The following PCDH15 variants were observed in gnomAD, a reference collection of about 807,000 sequenced individuals.
The protein encoded by PCDH15 is protocadherin-15.
A neutral mutation model predicts 178.5 loss-of-function variants in PCDH15; 129 were observed. The ratio of observed to expected loss-of-function variants is 0.72; its 90% confidence interval spans 0.63 to 0.84. The LOEUF is 0.84. Ranked by LOEUF, PCDH15 falls within the 40% of genes least tolerant of loss-of-function variation. PCDH15 has a pLI of 0.00. For synonymous variants in PCDH15, 800 were observed against 732.0 expected (o/e 1.09, Z -1.50); for missense variants, 2,230 against 2,099.9 (o/e 1.06, Z -1.21).
At chr10:54,724,079 A>T (rs1198656229) in intron 1 of PCDH15, among the ~76,000 whole-genome samples, 2 of 151,806 alleles carry the variant, frequency 1.3e-5, no homozygotes, top group South Asian at 2.1e-4. Context: ...GGAAAAAGGC[A>T]TCTGCATTTG....
At chr10:54,541,967 C>T (rs2085284890) in intron 2 of PCDH15, among the ~76,000 whole-genome samples, 1 of 152,040 alleles carries the variant, frequency 6.6e-6, no homozygotes, top group African/African-American at 2.4e-5. Context: ...TGCCACAAGA[C>T]AGTTATGTGT....
At chr10:55,582,628 A>ATATTTTT (rs780312007) in intron 2 of PCDH15, among the ~76,000 whole-genome samples, 10 of 69,038 alleles carry the variant, frequency 1.4e-4, no homozygotes, top group African/African-American at 6.0e-4. Flanking sequence ...ATATATATAT[A>ATATTTTT]TTTTTTTTTT....
chr10:55,615,628 T>C (rs1386123403), intron 2 of PCDH15, among the ~76,000 whole-genome samples: 1 of 152,108 alleles, frequency 6.6e-6, no homozygotes, highest in Non-Finnish European at 1.5e-5. Flanking sequence ...AGCCCTCTGA[T>C]AGGCTGAGGC....
intron 2 of PCDH15, among the ~76,000 whole-genome samples, chr10:55,481,648 G>A (rs1439536570): frequency 6.6e-6 from 1 of 151,828 alleles, no homozygotes; most frequent in Non-Finnish European, 1.5e-5. Context: ...ATAGTTTTGA[G>A]TAAATTTCTT....
chr10:54,228,694 G>A (rs2053730830), intron 9 of PCDH15, among the ~76,000 whole-genome samples: 1 of 152,184 alleles, frequency 6.6e-6, no homozygotes, highest in Non-Finnish European at 1.5e-5. Flanking sequence ...TCCAGTTCAA[G>A]AAGAGAGAAC....
At chr10:55,583,062 A>G (rs1842655642) in intron 2 of PCDH15, among the ~76,000 whole-genome samples, 1 of 152,120 alleles carries the variant, frequency 6.6e-6, no homozygotes, top group Non-Finnish European at 1.5e-5. Flanking sequence ...ATTTATTTAC[A>G]TTTTTCCTAC....
At chr10:55,468,890 C>T (rs1361043420) in intron 2 of PCDH15, among the ~76,000 whole-genome samples, 1 of 152,074 alleles carries the variant, frequency 6.6e-6, no homozygotes, top group Non-Finnish European at 1.5e-5. Flanking sequence ...ACACTGTCAC[C>T]TAATTAATTC....
At chr10:54,688,109 A>G (rs1483086689) in intron 1 of PCDH15, among the ~76,000 whole-genome samples, 1 of 152,184 alleles carries the variant, frequency 6.6e-6, no homozygotes, top group African/African-American at 2.4e-5. Flanking sequence ...TTATAAATTT[A>G]TTACAGAGCT....
chr10:53,917,486 A>G (rs539786454), intron 25 of PCDH15, among the ~76,000 whole-genome samples: 14 of 152,322 alleles, frequency 9.2e-5, no homozygotes, highest in South Asian at 4.1e-4. Flanking sequence ...AAAACAATCA[A>G]AGATGCAAAA....
chr10:54,032,445 T>G (rs2093320232), intron 18 of PCDH15, among the ~76,000 whole-genome samples: 2 of 152,156 alleles, frequency 1.3e-5, no homozygotes, highest in South Asian at 4.1e-4. Context: ...TGCAATGACA[T>G]AGGTTAGATA....
intron 2 of PCDH15, among the ~76,000 whole-genome samples, chr10:54,560,355 T>C (rs1379649262): frequency 6.6e-6 from 1 of 152,136 alleles, no homozygotes; most frequent in Non-Finnish European, 1.5e-5. Flanking sequence ...CTTTGGATGA[T>C]ACTTTGTAAG....
rs146831797 is a variant in PCDH15, at chr10:54,419,243, T to TACACACACACACACAC, written c.158-40317_158-40302dup. Among the ~76,000 whole-genome samples, 1,009 of 150,642 alleles carry TACACACACACACACAC rather than the reference T, an allele frequency of 6.7e-3. 14 individuals are homozygous for TACACACACACACACAC. The highest frequency in any genetic ancestry group is 0.023 in the African/African-American group (949 of 41,062). Reference sequence around the variant, plus strand: ...CCACATATACATATACATATATACATACACACACACACACACATTCACACC... The same window carrying TACACACACACACACAC: ...CCACATATACATATACATATATACATACACACACACACACACACACACACACACACACATTCACACC... On this transcript the variant is annotated intron_variant, in intron 3 of 37. Transcript: ENST00000644397.
intron 4 of PCDH15, among the ~76,000 whole-genome samples, 175 bp from the exon 5 acceptor site, chr10:54,369,450 T>A (rs542270962): frequency 6.6e-6 from 1 of 152,026 alleles, no homozygotes; most frequent in Non-Finnish European, 1.5e-5. Context: ...AATTAATTTA[T>A]TGTTTAATTT....
chr10:54,854,631 GCT>G (rs1168025237), intron 3 of PCDH15, among the ~76,000 whole-genome samples: 1 of 152,114 alleles, frequency 6.6e-6, no homozygotes, highest in Non-Finnish European at 1.5e-5. Flanking sequence ...GACATCTGCT[GCT>G]CTCTGCAGAG....
chr10:54,313,535 C>T (rs1277957531), intron 8 of PCDH15, among the ~76,000 whole-genome samples: 1 of 152,042 alleles, frequency 6.6e-6, no homozygotes, highest in Non-Finnish European at 1.5e-5. Flanking sequence ...TTAACCCAGG[C>T]TGCCAGAGCC....
intron 2 of PCDH15, among the ~76,000 whole-genome samples, chr10:54,552,841 A>T (rs763724537): frequency 1.3e-5 from 2 of 152,178 alleles, no homozygotes; most frequent in Non-Finnish European, 2.9e-5. Context: ...CTGTTCATCA[A>T]TGTATTGTAA....
chr10:54,123,671 G>T (rs77755570), intron 15 of PCDH15, among the ~76,000 whole-genome samples: 1 of 152,068 alleles, frequency 6.6e-6, no homozygotes, highest in Non-Finnish European at 1.5e-5. Context: ...CCACCCAAAA[G>T]AAAATAAATT....
intron 2 of PCDH15, among the ~76,000 whole-genome samples, chr10:55,429,405 G>C (rs889909722): frequency 1.3e-5 from 2 of 151,986 alleles, no homozygotes; most frequent in African/African-American, 4.8e-5. Flanking sequence ...AAAGCCATTG[G>C]TCTGCTTTTT....
intron 1 of PCDH15, among the ~76,000 whole-genome samples, chr10:55,258,999 C>T (rs1842081405): frequency 6.6e-6 from 1 of 152,096 alleles, no homozygotes; most frequent in Non-Finnish European, 1.5e-5. Flanking sequence ...TTCATTTCTT[C>T]CCTGCTATAT....
Sources: gnomAD v4.1 joint callset for allele counts (sites outside exome capture counted in the v4.1 genomes callset) on GRCh38, gnomAD v4.1.1 for gene constraint, MANE v1.5 for transcripts, NCBI Gene and HGNC (gene_info 2026-07-23, HGNC 2026-07-21) for gene names.